The following LYRM4 variants were observed in gnomAD, a reference collection of about 807,000 sequenced individuals.
LYRM4 encodes LYR motif containing 4, also known as LYR motif-containing protein 4.
Under a neutral mutation model 11.7 loss-of-function variants are expected in LYRM4, and 9 were observed. The observed-to-expected ratio is 0.77, with a 90% CI of 0.46 to 1.34. The LOEUF is 1.34. Among genes scored for constraint, LYRM4 ranks in the 40% most tolerant of loss-of-function variants. LYRM4 has a pLI of 0.00. For synonymous variants in LYRM4, 42 were observed against 40.4 expected, an observed-to-expected ratio of 1.04 and a Z score of -0.15; for missense variants, 133 against 112.5, an observed-to-expected ratio of 1.18 and a Z score of -0.82.
At chr6:5,233,484 C>G (rs1014649923) in intron 1 of LYRM4, among the ~76,000 whole-genome samples, 3 of 152,162 alleles carry the variant, frequency 2.0e-5, no homozygotes, top group African/African-American at 7.2e-5. Flanking sequence ...TTACCCACCC[C>G]CAGTGACACC....
At chr6:5,066,519 T>C in the LYRM4 span, 1 of 797,878 alleles carries the variant, frequency 1.3e-6, no homozygotes. Context: ...ACTTCTAGGA[T>C]CTATTTTAAA....
At chr6:5,125,347 G>A (rs1440747460) in intron 2 of LYRM4, among the ~76,000 whole-genome samples, 1 of 152,134 alleles carries the variant, frequency 6.6e-6, no homozygotes, top group Non-Finnish European at 1.5e-5. Context: ...CACATGCTTT[G>A]GTTGCCTCGA....
intron 2 of LYRM4, among the ~76,000 whole-genome samples, chr6:5,118,699 T>C (rs773347511): frequency 2.0e-5 from 3 of 152,286 alleles, no homozygotes; most frequent in East Asian, 3.9e-4. Flanking sequence ...GCTTTTTATA[T>C]TTCCCAATTC....
chr6:5,208,571 G>A (rs533042505), intron 2 of LYRM4, among the ~76,000 whole-genome samples: 1 of 152,338 alleles, frequency 6.6e-6, no homozygotes, highest in South Asian at 2.1e-4. Context: ...AAGACGCATA[G>A]GGACAGGCTT....
At chr6:5,227,345 C>G (rs1762952186) in intron 1 of LYRM4, among the ~76,000 whole-genome samples, 1 of 152,104 alleles carries the variant, frequency 6.6e-6, no homozygotes, top group Admixed American at 6.5e-5. Flanking sequence ...AGAGAAGGAT[C>G]TATGAAAGGA....
intron 2 of LYRM4, among the ~76,000 whole-genome samples, chr6:5,125,257 A>G (rs895682700): frequency 6.6e-6 from 1 of 152,076 alleles, no homozygotes; most frequent in Non-Finnish European, 1.5e-5. Flanking sequence ...GCTCACTCCT[A>G]CGGAATCCTC....
chr6:5,055,463 C>T, the LYRM4 span, among the ~76,000 whole-genome samples: 2 of 152,184 alleles, frequency 1.3e-5, no homozygotes, highest in African/African-American at 2.4e-5. The surrounding 1 kb of genome is among the most constrained non-coding windows in gnomAD (Gnocchi z 4.5). Context: ...CACGGTTTCA[C>T]CCTGATGAAG....
chr6:5,132,710 G>A (rs1304550918), intron 2 of LYRM4: 2 of 152,190 alleles, frequency 1.3e-5, no homozygotes, highest in Non-Finnish European at 2.9e-5. Flanking sequence ...CACATAAGTG[G>A]AACTTACCTT....
At chr6:5,074,646 T>C in the LYRM4 span, among the ~76,000 whole-genome samples, 1 of 151,544 alleles carries the variant, frequency 6.6e-6, no homozygotes. Context: ...AATTATACTT[T>C]AAGTTCTAGG....
At chr6:5,202,028 C>A (rs532937231) in intron 2 of LYRM4, among the ~76,000 whole-genome samples, 4 of 152,196 alleles carry the variant, frequency 2.6e-5, no homozygotes, top group Non-Finnish European at 1.5e-5. Context: ...TCCATGCCTG[C>A]GGCACCTGGT....
intron 2 of LYRM4, chr6:5,136,629 C>T (rs457136): frequency 1.0e-6 from 1 of 985,424 alleles, no homozygotes; most frequent in Non-Finnish European, 1.2e-6. Flanking sequence ...TCGATTACTT[C>T]CATTTCAACA....
intron 2 of LYRM4, among the ~76,000 whole-genome samples, chr6:5,198,530 T>C (rs1016068755): frequency 6.6e-6 from 1 of 152,176 alleles, no homozygotes; most frequent in African/African-American, 2.4e-5. Flanking sequence ...CTGGAGGTCA[T>C]TCTCTTCCAC....
chr6:5,226,205 TAAAA>T (rs1762883893), intron 1 of LYRM4, among the ~76,000 whole-genome samples: 1 of 152,234 alleles, frequency 6.6e-6, no homozygotes, highest in African/African-American at 2.4e-5. Flanking sequence ...ATCATATGTA[TAAAA>T]GCCTACCCTA....
chr6:5,195,403 A>G (rs1415859757), intron 2 of LYRM4, among the ~76,000 whole-genome samples: 1 of 151,858 alleles, frequency 6.6e-6, no homozygotes, highest in Admixed American at 6.6e-5. Context: ...TGAGGTCAGG[A>G]GTTTGAGACC....
chr6:5,246,498 T>C (rs1352388983), intron 1 of LYRM4, among the ~76,000 whole-genome samples: 1 of 152,186 alleles, frequency 6.6e-6, no homozygotes, highest in Admixed American at 6.5e-5. Context: ...TTTATCCTAG[T>C]GCCCAGCACA....
chr6:5,233,643 ATC>A (rs576689793), intron 1 of LYRM4, among the ~76,000 whole-genome samples: 2 of 151,844 alleles, frequency 1.3e-5, no homozygotes, highest in African/African-American at 2.4e-5. Context: ...TCAGATCTCA[ATC>A]TCTCTCTCTC....
chr6:5,065,620 G>A, the LYRM4 span, among the ~76,000 whole-genome samples: 19 of 152,200 alleles, frequency 1.2e-4, no homozygotes, highest in African/African-American at 4.6e-4. Flanking sequence ...TAAAATAGCA[G>A]CCACTGTTTC....
At chr6:5,061,066 C>T in the LYRM4 span, among the ~76,000 whole-genome samples, 1 of 152,182 alleles carries the variant, frequency 6.6e-6, no homozygotes, top group Admixed American at 6.5e-5. Context: ...ATAGTCCTCT[C>T]AGGTCCTTCA....
At chr6:5,066,750 C>G in the LYRM4 span, 1 of 747,030 alleles carries the variant, frequency 1.3e-6, no homozygotes, top group Non-Finnish European at 2.4e-6. Flanking sequence ...AGCCAATCTC[C>G]GATTGGTTAC....
Sources: gnomAD v4.1 joint callset for allele counts (sites outside exome capture counted in the v4.1 genomes callset) on GRCh38, gnomAD v4.1.1 for gene constraint, Gnocchi (gnomAD v3.1) non-coding constraint, MANE v1.5 for transcripts, NCBI Gene and HGNC (gene_info 2026-07-23, HGNC 2026-07-21) for gene names.